NAALADL2: variants seen among roughly 807,000 people sequenced by gnomAD.
NAALADL2 encodes N-acetylated alpha-linked acidic dipeptidase like 2.
Under a neutral mutation model 87.2 loss-of-function variants are expected in NAALADL2, and 76 were observed. That is an observed-to-expected ratio of 0.87 (90% CI 0.72 to 1.05). NAALADL2 has a LOEUF of 1.05. Ranked by LOEUF, NAALADL2 falls within the 50% of genes least tolerant of loss-of-function variation. The pLI, the probability that NAALADL2 is intolerant of heterozygous loss-of-function variation, is 0.00. For missense variants in NAALADL2, 1,089 were observed against 945.8 expected (o/e 1.15, Z -1.99); for synonymous variants, 354 against 331.0 (o/e 1.07, Z -0.75).
intron 2 of NAALADL2, among the ~76,000 whole-genome samples, chr3:174,627,212 G>A (rs1299140841): frequency 6.6e-6 from 1 of 152,052 alleles, no homozygotes; most frequent in Non-Finnish European, 1.5e-5. Flanking sequence ...TGAAAAAAGT[G>A]TTCTCCTAAA....
chr3:175,478,316 C>G lies in NAALADL2; in HGVS notation c.1653+6558C>G, dbSNP rs375453822. Among the ~76,000 whole-genome samples the G allele has an allele frequency of 1.1e-3, 160 of 151,902 alleles. 3 individuals are homozygous for G. The highest frequency in any genetic ancestry group is 4.6e-4 in the Admixed American group (7 of 15,202). On this transcript the variant is annotated intron_variant, in intron 9 of 13. Coordinates refer to ENST00000454872, the MANE Select transcript of NAALADL2 (RefSeq NM_207015.3). Reference sequence around the variant, plus strand: ...CCTTCTTTACACTGAGTTACCACTTCGATAAAGATTCACATTTAGAATTGT... The same window carrying G: ...CCTTCTTTACACTGAGTTACCACTTGGATAAAGATTCACATTTAGAATTGT...
chr3:175,566,976 T>G (rs1330492363), intron 9 of NAALADL2, among the ~76,000 whole-genome samples: 3 of 152,168 alleles, frequency 2.0e-5, no homozygotes, highest in Non-Finnish European at 2.9e-5. Context: ...CTGAGGTTAT[T>G]AAAATTATCT....
At chr3:174,780,166 C>A (rs1715762996) in intron 3 of NAALADL2, among the ~76,000 whole-genome samples, 1 of 152,118 alleles carries the variant, frequency 6.6e-6, no homozygotes, top group Non-Finnish European at 1.5e-5. Context: ...GTTTGTAAAT[C>A]TCCTTGAAGA....
At chr3:174,866,729 T>C (rs189879965) in intron 1 of NAALADL2, among the ~76,000 whole-genome samples, 2 of 151,918 alleles carry the variant, frequency 1.3e-5, no homozygotes, top group Admixed American at 1.3e-4. Context: ...AATAACGACT[T>C]TATAACCTTC....
chr3:174,663,736 A>G (rs1465312216), intron 2 of NAALADL2, among the ~76,000 whole-genome samples: 1 of 151,958 alleles, frequency 6.6e-6, no homozygotes, highest in Non-Finnish European at 1.5e-5. Context: ...CAAATATCCA[A>G]ACTATGTCAG....
At chr3:175,421,730 A>G (rs1172304481) in intron 5 of NAALADL2, among the ~76,000 whole-genome samples, 1 of 152,082 alleles carries the variant, frequency 6.6e-6, no homozygotes, top group Non-Finnish European at 1.5e-5. Flanking sequence ...GGATCATGAT[A>G]AATACTATGA....
At position 175,661,982 on chromosome 3, in the gene NAALADL2, TTTGTGGTTCC is replaced by T. The variant is rs1732322808; in HGVS notation, c.1896+34597_1896+34606del. On this transcript the variant is annotated intron_variant, in intron 11 of 13. Coordinates refer to ENST00000454872, the MANE Select transcript of NAALADL2 (RefSeq NM_207015.3). ...GGGTTGCTTTGGCTATTTGGTGTCT[TTTGTGGTTCC>T]ATACACATTTTATAATTGCTTTTTC... is the stretch of plus-strand genomic sequence containing the variant. Among the ~76,000 whole-genome samples the T allele has an allele frequency of 3.9e-5, 6 of 152,206 alleles. No homozygotes were observed. The South Asian group carries it at 8.3e-4, about 21-fold the overall frequency.
intron 13 of NAALADL2, among the ~76,000 whole-genome samples, chr3:175,786,916 G>C (rs1752058956): frequency 6.6e-6 from 1 of 152,094 alleles, no homozygotes; most frequent in Admixed American, 6.5e-5. Context: ...CTGTTTGTTA[G>C]TTTTCCTTCT....
rs76608717 is a variant in NAALADL2 at position 175,693,536 on chromosome 3, G to T, written c.1897-43770G>T. 7.3e-3 allele frequency among the ~76,000 whole-genome samples: 1,114 copies of T among 152,220 alleles called. 17 individuals are homozygous for T. The highest frequency in any genetic ancestry group is 0.025 in the African/African-American group (1,056 of 41,510). Reference sequence around the variant, plus strand: ...TTTTTACTACATGCTGGGCAGTGCTGTGGTTCTAGTTCTTTAAACTAAGAA... The same window carrying T: ...TTTTTACTACATGCTGGGCAGTGCTTTGGTTCTAGTTCTTTAAACTAAGAA... On this transcript the variant is annotated intron_variant, in intron 11 of 13. Transcript: ENST00000454872.
At position 174,506,205 on chromosome 3, in the gene NAALADL2, G is replaced by C. The variant is rs576200347; in HGVS notation, c.-183-44364G>C. 4.7e-5 allele frequency among the ~76,000 whole-genome samples: 7 copies of C among 148,446 alleles called. No homozygotes were observed. The South Asian group carries it at 8.5e-4, about 18-fold the overall frequency. ...TATCTTTTTTTTTTTTTTTGACACA[G>C]GGTCTCATTCTATTTCCCAGGCTGG... On this transcript the variant is annotated intron_variant, in intron 1 of 3. Transcript: ENST00000434257.
At chr3:175,188,520 T>C (rs1304388841) in intron 2 of NAALADL2, among the ~76,000 whole-genome samples, 1 of 152,136 alleles carries the variant, frequency 6.6e-6, no homozygotes. Context: ...GCCAAGCTAA[T>C]GTAGTTTCCT....
At chr3:174,750,184 TCA>T (rs1469252895) in intron 3 of NAALADL2, among the ~76,000 whole-genome samples, 2 of 152,162 alleles carry the variant, frequency 1.3e-5, no homozygotes, top group African/African-American at 4.8e-5. Flanking sequence ...TTGGCAATAA[TCA>T]CTGCTATTTA....
At chr3:174,928,661 T>C (rs1281793004) in intron 1 of NAALADL2, among the ~76,000 whole-genome samples, 4 of 152,252 alleles carry the variant, frequency 2.6e-5, no homozygotes, top group Non-Finnish European at 5.9e-5. Context: ...AAACTGATGA[T>C]AATTCTCTCA....
intron 9 of NAALADL2, among the ~76,000 whole-genome samples, chr3:175,491,444 T>A (rs1195521957): frequency 6.6e-6 from 1 of 152,064 alleles, no homozygotes; most frequent in Non-Finnish European, 1.5e-5. Flanking sequence ...CCTTTATGTG[T>A]TTTAAATTTT....
At chr3:175,233,107 C>T (rs1228637030) in intron 2 of NAALADL2, among the ~76,000 whole-genome samples, 1 of 152,114 alleles carries the variant, frequency 6.6e-6, no homozygotes, top group Non-Finnish European at 1.5e-5. Flanking sequence ...ATTGGTTTGG[C>T]AATCTCTGTT....
intron 3 of NAALADL2, among the ~76,000 whole-genome samples, chr3:174,851,802 G>A (rs188203820): frequency 4.6e-4 from 70 of 152,120 alleles, no homozygotes; most frequent in Non-Finnish European, 5.9e-5. Context: ...TACTATTTCT[G>A]ATGATCATAG....
intron 2 of NAALADL2, among the ~76,000 whole-genome samples, chr3:174,660,716 G>A (rs761500928): frequency 3.9e-5 from 6 of 152,004 alleles, no homozygotes; most frequent in Non-Finnish European, 7.4e-5. Context: ...TTTTTGAAAA[G>A]GAATACATTG....
chr3:174,838,173 G>T (rs1723585982), intron 3 of NAALADL2, among the ~76,000 whole-genome samples: 1 of 152,054 alleles, frequency 6.6e-6, no homozygotes. Context: ...TACCAGGGAT[G>T]CAGGGATGGT....
chr3:175,270,018 C>T (rs768488423), intron 4 of NAALADL2, among the ~76,000 whole-genome samples: 3 of 152,064 alleles, frequency 2.0e-5, no homozygotes, highest in Non-Finnish European at 4.4e-5. Flanking sequence ...TTTTTCATTT[C>T]TATTAAAATC....
Sources: allele counts gnomAD v4.1 joint callset (sites outside exome capture counted in the v4.1 genomes callset), GRCh38; gene constraint gnomAD v4.1.1; transcripts MANE v1.5; gene names NCBI Gene and HGNC (gene_info 2026-07-23, HGNC 2026-07-21).